CDH11: variants seen among roughly 807,000 people sequenced by gnomAD.
CDH11 encodes the protein cadherin-11.
A neutral mutation model predicts 67.8 loss-of-function variants in CDH11; 11 were observed. The observed-to-expected ratio is 0.16, with a 90% CI of 0.10 to 0.27. CDH11 has a LOEUF of 0.27. CDH11 is among the 10% of genes least tolerant of loss of function. CDH11 has a pLI of 1.00. For missense variants in CDH11, 847 were observed against 1,031.2 expected (o/e 0.82, Z 2.45); for synonymous variants, 419 against 400.0 (o/e 1.05, Z -0.57).
rs2071421636 is a variant in CDH11 at position 64,953,551 on chromosome 16, TG to T, written c.1643-2534del. Among the ~76,000 whole-genome samples the T allele has an allele frequency of 2.0e-5, 3 of 151,892 alleles. No individual in the cohort carries two copies. In the South Asian group the frequency reaches 6.2e-4, roughly 32 times the overall value. Reference sequence around the variant, plus strand: ...AATTATAAAAACATTGCATATACTATGAAATAGGATGAAAAAAATAAAAGTA... The same window carrying T: ...AATTATAAAAACATTGCATATACTATAAATAGGATGAAAAAAATAAAAGTA... On this transcript the variant is annotated intron_variant, in intron 11 of 12. Coordinates refer to ENST00000268603, the MANE Select transcript of CDH11 (RefSeq NM_001797.4).
intron 1 of CDH11, among the ~76,000 whole-genome samples, chr16:65,108,074 GAA>G (rs1452462023): frequency 2.0e-5 from 3 of 152,234 alleles, no homozygotes; most frequent in Middle Eastern, 3.4e-3. Context: ...CACCCAATAA[GAA>G]AAGGACACTA....
chr16:65,061,664 CA>C (rs1267347350), intron 1 of CDH11, among the ~76,000 whole-genome samples: 1 of 152,126 alleles, frequency 6.6e-6, no homozygotes, highest in Non-Finnish European at 1.5e-5. Flanking sequence ...CTTCACATGC[CA>C]AATGAAGCAT....
intron 1 of CDH11, among the ~76,000 whole-genome samples, chr16:65,120,114 G>C (rs2075300570): frequency 6.6e-6 from 1 of 152,140 alleles, no homozygotes; most frequent in South Asian, 2.1e-4. Flanking sequence ...CCTGCAGCTA[G>C]GGTTGGGCAG....
chr16:64,974,062 A>G (rs2072090671), intron 8 of CDH11, among the ~76,000 whole-genome samples: 1 of 152,098 alleles, frequency 6.6e-6, no homozygotes, highest in Non-Finnish European at 1.5e-5. Flanking sequence ...AAAAAACCAC[A>G]TAATATTATT....
intron 1 of CDH11, among the ~76,000 whole-genome samples, chr16:65,103,900 T>G (rs1274243877): frequency 6.6e-6 from 1 of 152,216 alleles, no homozygotes; most frequent in Admixed American, 6.5e-5. Flanking sequence ...TTTTGATATA[T>G]TGGCTTAAAT....
intron 1 of CDH11, among the ~76,000 whole-genome samples, chr16:65,054,657 T>C (rs531642980): frequency 2.6e-5 from 4 of 152,300 alleles, no homozygotes; most frequent in African/African-American, 7.2e-5. Context: ...GAAAGGAATA[T>C]GGAGTGTCTA....
In CDH11 at chr16:64,994,252, G is replaced by A. The variant is rs568354872; in HGVS notation, c.524-1218C>T. ...TTCCCATTTGTCAGTCACTATTCTA[G>A]GCAGGATAGATTTATAAAGGAAAAT... On this transcript the variant is annotated intron_variant, in intron 4 of 12. Transcript: ENST00000268603. Among the ~76,000 whole-genome samples the A allele has an allele frequency of 6.8e-4, 104 of 152,160 alleles. No homozygotes were observed. The South Asian group carries it at 7.9e-3, about 12-fold the overall frequency.
chr16:65,015,516 T>A (rs1032401935), intron 2 of CDH11, among the ~76,000 whole-genome samples: 1 of 151,894 alleles, frequency 6.6e-6, no homozygotes, highest in African/African-American at 2.4e-5. Flanking sequence ...AGGGGAAGCA[T>A]CAAGAGGAAA....
At chr16:64,960,011 A>G (rs1230032122) in intron 11 of CDH11, among the ~76,000 whole-genome samples, 1 of 152,220 alleles carries the variant, frequency 6.6e-6, no homozygotes, top group African/African-American at 2.4e-5. Context: ...TTGTTTAAGC[A>G]GTGCAAACTC....
At chr16:65,013,843 A>G (rs1377791043) in intron 2 of CDH11, among the ~76,000 whole-genome samples, 1 of 151,940 alleles carries the variant, frequency 6.6e-6, no homozygotes, top group Non-Finnish European at 1.5e-5. Context: ...AAAAAGAAAG[A>G]AAAAGGGAAA....
intron 11 of CDH11, among the ~76,000 whole-genome samples, chr16:64,969,995 T>C (rs930562706): frequency 1.3e-5 from 2 of 152,218 alleles, no homozygotes; most frequent in Non-Finnish European, 1.5e-5. Context: ...AGAAAAATCC[T>C]AGTGTAAATA....
Position 64,946,617 on chromosome 16 carries a change from AC to A in CDH11, c.*985del. ...ATGTTACAGAATCTTGTCTGAAAAAACATTTGTAAAACATATTTGATTTTAA... is the reference window on the plus strand; with the variant it reads ...ATGTTACAGAATCTTGTCTGAAAAAAATTTGTAAAACATATTTGATTTTAA... On this transcript the variant is annotated 3_prime_UTR_variant, in exon 13 of 13. Coordinates refer to ENST00000268603, the MANE Select transcript of CDH11 (RefSeq NM_001797.4). The A allele has an allele frequency of 9.7e-7, 1 of 1,027,528 alleles. No individual in the cohort carries two copies. Among genetic ancestry groups the A allele is most frequent in the South Asian group, 4.6e-5 (1 of 21,600 alleles). The allele number at this position is 1,027,528 out of a possible 1,614,324, so 63.7% of individuals were successfully genotyped here.
At chr16:65,122,271 C>G (rs904737394), upstream of CDH11, 3 of 397,806 alleles carry the variant, frequency 7.5e-6, no homozygotes, top group Admixed American at 4.7e-5. Context: ...CGCCCCTCCC[C>G]CCAGGGGCCC....
intron 1 of CDH11, among the ~76,000 whole-genome samples, chr16:65,119,740 T>C (rs1406095675): frequency 6.6e-6 from 1 of 152,184 alleles, no homozygotes; most frequent in African/African-American, 2.4e-5. Context: ...ACTAAAATGA[T>C]AGTAATAATT....
chr16:64,982,035 A>T lies in CDH11; in HGVS notation c.1253+13T>A. 2 of 1,582,126 alleles carry T rather than the reference A, an allele frequency of 1.3e-6. No homozygotes were observed. Among genetic ancestry groups the T allele is most frequent in the Non-Finnish European group, 1.7e-6 (2 of 1,163,216 alleles). ...ATTCCCCATCCAAGCTCTTAAAATAAATCCGTCTGTACCTTATCGGGCTGT... is the reference window on the plus strand; with the variant it reads ...ATTCCCCATCCAAGCTCTTAAAATATATCCGTCTGTACCTTATCGGGCTGT... On this transcript the variant is annotated intron_variant, in intron 8 of 12. Coordinates refer to ENST00000268603, the MANE Select transcript of CDH11 (RefSeq NM_001797.4).
intron 2 of CDH11, among the ~76,000 whole-genome samples, chr16:65,045,989 CAT>C (rs1215524801): frequency 6.6e-6 from 1 of 152,160 alleles, no homozygotes; most frequent in African/African-American, 2.4e-5. Context: ...GCCCAGAGCA[CAT>C]GACTACAAAA....
intron 1 of CDH11, among the ~76,000 whole-genome samples, chr16:65,112,989 A>G (rs1304240121): frequency 6.6e-6 from 1 of 152,202 alleles, no homozygotes; most frequent in Admixed American, 6.5e-5. Context: ...AAAATAATCA[A>G]TTAAAAAATG....
chr16:65,110,598 C>G (rs1175127533), intron 1 of CDH11, among the ~76,000 whole-genome samples: 1 of 149,916 alleles, frequency 6.7e-6, no homozygotes, highest in Non-Finnish European at 1.5e-5. Context: ...GCTACAGTGA[C>G]CAGAATGAGT....
chr16:65,111,540 A>T (rs1157003472), intron 1 of CDH11, among the ~76,000 whole-genome samples: 2 of 152,168 alleles, frequency 1.3e-5, no homozygotes, highest in East Asian at 3.9e-4. Flanking sequence ...CCTCTGGGTG[A>T]TGTGGCTGGC....
Sources: allele counts gnomAD v4.1 joint callset (sites outside exome capture counted in the v4.1 genomes callset), GRCh38; gene constraint gnomAD v4.1.1; transcripts MANE v1.5; gene names NCBI Gene and HGNC (gene_info 2026-07-23, HGNC 2026-07-21).